The following REV3L variants were observed in gnomAD, a reference collection of about 807,000 sequenced individuals.
The protein encoded by REV3L is DNA polymerase zeta catalytic subunit.
REV3L carries 69 observed loss-of-function variants against 299.4 expected under a neutral mutation model. The ratio of observed to expected loss-of-function variants is 0.23; its 90% CI spans 0.19 to 0.28. The LOEUF is 0.28. Among genes scored for constraint, REV3L ranks in the 10% least tolerant of loss-of-function variants. REV3L has a pLI of 1.00. For missense variants in REV3L, 3,128 were observed against 3,693.8 expected (o/e 0.85, Z 3.97); for synonymous variants, 1,238 against 1,271.4 (o/e 0.97, Z 0.56).
At chr6:111,393,723 C>T (rs1782183201) in intron 4 of REV3L, among the ~76,000 whole-genome samples, 2 of 151,968 alleles carry the variant, frequency 1.3e-5, no homozygotes, top group Non-Finnish European at 2.9e-5. Context: ...TTTGACATGA[C>T]ATCTTGCTAT....
intron 1 of REV3L, among the ~76,000 whole-genome samples, chr6:111,438,547 AAACT>A (rs1452273270): frequency 2.0e-4 from 31 of 151,984 alleles, no homozygotes; most frequent in African/African-American, 3.6e-4. Flanking sequence ...ACCAAAAAAT[AAACT>A]AACAAGAAAG....
intron 22 of REV3L, among the ~76,000 whole-genome samples, chr6:111,334,320 G>T (rs1312817361): frequency 6.6e-6 from 1 of 152,158 alleles, no homozygotes. Flanking sequence ...CGTTTAAGAA[G>T]TTGGTTGATA....
rs756257691 is a variant in REV3L, at chr6:111,482,929, G to A, written c.-41C>T. On this transcript the variant is annotated 5_prime_UTR_variant, in exon 1 of 32. Coordinates refer to ENST00000368802, the MANE Select transcript of REV3L (RefSeq NM_001372078.1). ...CACTGCCTCCCTTCACTGGCGACCC[G>A]GCAGCGGCAGCAGCAGCGGCGGCGG... 12 of 1,485,412 alleles carry A rather than the reference G, an allele frequency of 8.1e-6. No homozygotes were observed. Among genetic ancestry groups the A allele is most frequent in the East Asian group, 2.8e-5 (1 of 36,222 alleles). 92.0% of individuals were successfully genotyped at this position (1,485,412 alleles called of 1,614,324 possible).
At chr6:111,320,017 C>T (rs981970990) in intron 26 of REV3L, among the ~76,000 whole-genome samples, 3 of 150,964 alleles carry the variant, frequency 2.0e-5, no homozygotes, top group Non-Finnish European at 2.9e-5. Flanking sequence ...TTTTAGTGAT[C>T]CACCTGCCTC....
At chr6:111,440,418 C>T (rs1436908659) in intron 1 of REV3L, among the ~76,000 whole-genome samples, 2 of 152,054 alleles carry the variant, frequency 1.3e-5, no homozygotes. Flanking sequence ...TATCTTTTGG[C>T]GAAAATGTGT....
At chr6:111,357,202 C>G (rs905732842) in intron 17 of REV3L, 77 bp from the exon 18 acceptor site, 1 of 469,460 alleles carries the variant, frequency 2.1e-6, no homozygotes, top group Non-Finnish European at 3.4e-6. Flanking sequence ...GTAATATTAT[C>G]CTCTACTTTT....
chr6:111,324,585 G>A (rs1291231915), intron 25 of REV3L, among the ~76,000 whole-genome samples: 1 of 152,172 alleles, frequency 6.6e-6, no homozygotes, highest in Non-Finnish European at 1.5e-5. Flanking sequence ...GGTCTTAAAT[G>A]TCTGCCTAAT....
At chr6:111,306,280 A>C (rs545026550) in intron 31 of REV3L, among the ~76,000 whole-genome samples, 41 of 152,280 alleles carry the variant, frequency 2.7e-4, no homozygotes, top group Admixed American at 4.6e-4. Context: ...TGTTCCTGGC[A>C]GAAGGAGCAG....
chr6:111,411,861 A>T, intron 2 of REV3L: 1 of 435,612 alleles, frequency 2.3e-6, no homozygotes, highest in Non-Finnish European at 3.1e-6. Context: ...CCACCCCTTA[A>T]TCTCAAACAT....
At chr6:111,474,006 C>G (rs901801720) in intron 1 of REV3L, among the ~76,000 whole-genome samples, 2 of 151,996 alleles carry the variant, frequency 1.3e-5, no homozygotes, top group Admixed American at 1.3e-4. Context: ...AAAAATTTAG[C>G]ACACTGGACA....
intron 9 of REV3L, among the ~76,000 whole-genome samples, chr6:111,387,013 C>G (rs555522249): frequency 6.6e-6 from 1 of 152,172 alleles, no homozygotes; most frequent in Non-Finnish European, 1.5e-5. Context: ...GGAGCCACTG[C>G]TCCTGGCCAG....
chr6:111,417,135 T>C (rs1784858421), intron 1 of REV3L, among the ~76,000 whole-genome samples: 1 of 152,102 alleles, frequency 6.6e-6, no homozygotes, highest in Non-Finnish European at 1.5e-5. Flanking sequence ...AAGGCCAACA[T>C]GCACACTTCT....
intron 1 of REV3L, among the ~76,000 whole-genome samples, chr6:111,422,676 A>G (rs1455589636): frequency 1.4e-4 from 6 of 42,024 alleles, no homozygotes; most frequent in African/African-American, 3.3e-4. Context: ...ATATATATAT[A>G]TACGTATATA....
In REV3L at chr6:111,401,054, CAATTATGG is replaced by C. The variant is rs201630080; in HGVS notation, c.565+4408_565+4415del. ...TCAAAGTTAAGTTGACTATATGGGC[CAATTATGG>C]ATTATTTCAAATATAGGTCTATTTC... On this transcript the variant is annotated intron_variant, in intron 4 of 31. Coordinates refer to ENST00000368802, the MANE Select transcript of REV3L (RefSeq NM_001372078.1). Among the ~76,000 whole-genome samples the C allele has an allele frequency of 7.8e-3, 1,184 of 152,154 alleles. 12 individuals carry two copies. Among genetic ancestry groups the C allele is most frequent in the African/African-American group, 0.027 (1,121 of 41,490 alleles).
intron 1 of REV3L, among the ~76,000 whole-genome samples, chr6:111,460,880 G>C (rs1583073383): frequency 6.6e-6 from 1 of 152,010 alleles, no homozygotes; most frequent in Non-Finnish European, 1.5e-5. Flanking sequence ...AATTCCTATC[G>C]CCTAGGGACA....
Position 111,300,074 on chromosome 6 carries a change from C to T in REV3L, c.9335G>A (p.Arg3112Gln), listed in dbSNP as rs375494302. 1.1e-5 allele frequency: 18 copies of T among 1,613,538 alleles called. No individual in the cohort carries two copies. The highest frequency in any genetic ancestry group is 6.7e-5 in the East Asian group (3 of 44,854). The part of the protein sequence containing the change: ...LNCPVLFKLS[R>Q]VNRELSKAPY... The stretch of plus-strand genomic sequence containing the variant: ...TGCCTTGGACAATTCTCTATTTACT[C>T]GGGAGAGTTTGAAAAGTACTGGGCA... Residue 3112 changes from arginine to glutamine, a missense_variant, in exon 32 of 32, where the codon CGA becomes CAA. By Grantham distance (43) the Arg-to-Gln change is conservative. Coordinates refer to ENST00000368802, the MANE Select transcript of REV3L (RefSeq NM_001372078.1).
At position 111,376,360 on chromosome 6, in the gene REV3L, A is replaced by G; in HGVS notation, c.1995T>C (p.Asp665=). The G allele has an allele frequency of 6.2e-6, 10 of 1,612,486 alleles. No individual in the cohort carries two copies. The highest frequency in any genetic ancestry group is 8.5e-6 in the Non-Finnish European group (10 of 1,179,542). The change falls in exon 13 of 32, where the codon GAT becomes GAC. Residue 665 remains aspartate, a synonymous_variant. Coordinates refer to ENST00000368802, the MANE Select transcript of REV3L (RefSeq NM_001372078.1). ...CESSIFDYEE[D]IPSVTRQVPS... ...GTACTTGTCTTGTAACAGATGGAAT[A>G]TCTTCTTCATAATCAAAAATACTAC...
intron 20 of REV3L, 83 bp from the exon 21 acceptor site, chr6:111,344,126 T>A: frequency 2.4e-6 from 2 of 817,868 alleles, no homozygotes; most frequent in Non-Finnish European, 3.9e-6. Flanking sequence ...AATATCACTT[T>A]AAACTTTTCA....
chr6:111,302,616 T>G (rs779058843), intron 31 of REV3L, among the ~76,000 whole-genome samples: 1 of 152,164 alleles, frequency 6.6e-6, no homozygotes, highest in Non-Finnish European at 1.5e-5. Context: ...AAAAAAAATT[T>G]AGTCAAGGCT....
Sources: gnomAD v4.1 joint callset for allele counts (sites outside exome capture counted in the v4.1 genomes callset) on GRCh38, gnomAD v4.1.1 for gene constraint, MANE v1.5 for transcripts, NCBI Gene and HGNC (gene_info 2026-07-23, HGNC 2026-07-21) for gene names.